Variants in RPH3A observed in about 807,000 individuals in gnomAD.
RPH3A encodes rabphilin 3A.
In RPH3A, 48 loss-of-function variants were observed where a neutral mutation model predicts 102.2. The ratio of observed to expected loss-of-function variants is 0.47; its 90% CI spans 0.37 to 0.60. The LOEUF is 0.60. Among genes scored for constraint, RPH3A ranks in the 20% least tolerant of loss-of-function variants. RPH3A has a pLI of 0.00. For synonymous variants in RPH3A, 310 were observed against 324.3 expected (o/e 0.96, Z 0.47); for missense variants, 781 against 910.1 (o/e 0.86, Z 1.83).
chr12:112,878,256 G>T (rs2042842568), intron 13 of RPH3A, among the ~76,000 whole-genome samples: 1 of 152,098 alleles, frequency 6.6e-6, no homozygotes, highest in South Asian at 2.1e-4. Context: ...TGGAACACTG[G>T]CTACTGCTCC....
At chr12:112,834,190 T>C (rs2042014723) in intron 3 of RPH3A, among the ~76,000 whole-genome samples, 1 of 152,232 alleles carries the variant, frequency 6.6e-6, no homozygotes, top group Non-Finnish European at 1.5e-5. Flanking sequence ...TTTGTTTGCA[T>C]TTTCTGGAAT....
At chr12:112,607,595 G>GT (rs2039606269) in intron 1 of RPH3A, among the ~76,000 whole-genome samples, 1 of 152,194 alleles carries the variant, frequency 6.6e-6, no homozygotes, top group Admixed American at 6.5e-5. Flanking sequence ...TTGTAGAAGT[G>GT]CTTTTTAATC....
chr12:112,712,940 T>TTCTTCTTCC (rs1565856895), intron 1 of RPH3A, among the ~76,000 whole-genome samples: 1 of 115,328 alleles, frequency 8.7e-6, no homozygotes, highest in Admixed American at 1.1e-4. Context: ...CTTCTTCTTC[T>TTCTTCTTCC]TCTTCTTCTT....
In RPH3A at chr12:112,898,869, G is replaced by T. The variant is rs1308385414; in HGVS notation, c.*2089G>T. 1 of 152,312 alleles carries T rather than the reference G, an allele frequency of 6.6e-6. No individual in the cohort carries two copies. The highest frequency in any genetic ancestry group is 2.4e-5 in the African/African-American group (1 of 41,462). The allele number at this position is 152,312 out of a possible 1,614,324, so 9.4% of individuals were successfully genotyped here. ...TGATGTAGCCAAAAATAAAGTAGGA[G>T]CATCCAAGAAAACGAGTGGTCTGCA... On this transcript the variant is annotated 3_prime_UTR_variant, in exon 22 of 22. Coordinates refer to ENST00000389385, the MANE Select transcript of RPH3A (RefSeq NM_001143854.2).
chr12:112,897,184 T>C lies in RPH3A; in HGVS notation c.*404T>C. ...CACACACACACACACACCCTTTCAT[T>C]CCCTGTGTTGTGTCTCTGTATATCC... is the stretch of plus-strand genomic sequence containing the variant. On this transcript the variant is annotated 3_prime_UTR_variant, in exon 22 of 22. Coordinates refer to ENST00000389385, the MANE Select transcript of RPH3A (RefSeq NM_001143854.2). 5.9e-6 allele frequency: 1 copy of C among 170,018 alleles called. No homozygotes were observed. Among genetic ancestry groups the C allele is most frequent in the Non-Finnish European group, 1.3e-5 (1 of 79,596 alleles). The allele number at this position is 170,018 out of a possible 1,614,324, so 10.5% of individuals were successfully genotyped here.
At chr12:112,702,337 C>T (rs1426441779) in intron 1 of RPH3A, among the ~76,000 whole-genome samples, 2 of 152,186 alleles carry the variant, frequency 1.3e-5, no homozygotes, top group Non-Finnish European at 2.9e-5. Flanking sequence ...GCAACAAATT[C>T]TCTTTGAGTT....
At chr12:112,847,987 C>A in intron 5 of RPH3A, 145 bp downstream of exon 5, 3 of 775,846 alleles carry the variant, frequency 3.9e-6, no homozygotes, top group Admixed American at 2.8e-5. Flanking sequence ...CCTCCCCGCC[C>A]CACCCCCTTC....
At chr12:112,813,627 G>A (rs903637118) in intron 2 of RPH3A, among the ~76,000 whole-genome samples, 2 of 152,168 alleles carry the variant, frequency 1.3e-5, no homozygotes, top group African/African-American at 2.4e-5. Flanking sequence ...GAGAGGTGCG[G>A]TTCTGGAAGA....
chr12:112,592,670 C>T (rs929334655), intron 1 of RPH3A, among the ~76,000 whole-genome samples: 2 of 152,028 alleles, frequency 1.3e-5, no homozygotes, highest in Non-Finnish European at 2.9e-5. Flanking sequence ...TGGTTGAATC[C>T]GTGGATGCAG....
intron 21 of RPH3A, among the ~76,000 whole-genome samples, chr12:112,896,176 G>C (rs746675937): frequency 1.3e-5 from 2 of 152,200 alleles, no homozygotes; most frequent in Non-Finnish European, 2.9e-5. Context: ...TTATTTGCAT[G>C]TCCAGGATAA....
intron 16 of RPH3A, among the ~76,000 whole-genome samples, chr12:112,884,789 T>C (rs899325236): frequency 9.8e-5 from 15 of 152,346 alleles, no homozygotes; most frequent in African/African-American, 3.6e-4. Flanking sequence ...ATGCACAGAT[T>C]GATGAATTTT....
chr12:112,785,270 A>G (rs2041040794), intron 1 of RPH3A, among the ~76,000 whole-genome samples: 1 of 151,718 alleles, frequency 6.6e-6, no homozygotes, highest in Non-Finnish European at 1.5e-5. Context: ...TGGTTGGCAG[A>G]GCATAGTTAG....
chr12:112,794,847 C>A (rs948934918), intron 2 of RPH3A, among the ~76,000 whole-genome samples: 1 of 152,232 alleles, frequency 6.6e-6, no homozygotes, highest in Middle Eastern at 3.2e-3. Flanking sequence ...GCAGCCCCTA[C>A]TCCCCCAGTC....
chr12:112,693,768 G>T (rs766401571), intron 1 of RPH3A, among the ~76,000 whole-genome samples: 2 of 151,998 alleles, frequency 1.3e-5, no homozygotes, highest in South Asian at 2.1e-4. Context: ...CATTATCTAG[G>T]TTTATATTTT....
intron 2 of RPH3A, among the ~76,000 whole-genome samples, chr12:112,821,044 G>T (rs931195240): frequency 1.2e-4 from 19 of 152,188 alleles, no homozygotes; most frequent in African/African-American, 3.9e-4. Flanking sequence ...GTCCCAGCTG[G>T]CTCTAGGAAC....
At chr12:112,621,947 C>G (rs887094785) in intron 1 of RPH3A, among the ~76,000 whole-genome samples, 9 of 150,686 alleles carry the variant, frequency 6.0e-5, no homozygotes, top group East Asian at 4.0e-4. Context: ...AGCAGGGGCA[C>G]ACTGACACCT....
intron 3 of RPH3A, among the ~76,000 whole-genome samples, chr12:112,835,450 T>C (rs979093045): frequency 8.5e-5 from 13 of 152,346 alleles, no homozygotes; most frequent in African/African-American, 2.9e-4. Flanking sequence ...TGCCTTACAA[T>C]TAAATTAAAA....
Position 112,759,997 on chromosome 12 carries a change from G to A in RPH3A, c.-139-32146G>A, listed in dbSNP as rs1397010123. ...GCTGGACCAGCCGGCCCGACCAGCCGGCCTGTCTGGGCAGTGCGGATATTC... is the reference window on the plus strand; with the variant it reads ...GCTGGACCAGCCGGCCCGACCAGCCAGCCTGTCTGGGCAGTGCGGATATTC... On this transcript the variant is annotated intron_variant, in intron 1 of 21. Coordinates refer to the RPH3A transcript ENST00000543106. 4.6e-5 allele frequency among the ~76,000 whole-genome samples: 7 copies of A among 151,980 alleles called. No individual in the cohort carries two copies. The East Asian group carries it at 7.7e-4, about 17-fold the overall frequency.
intron 1 of RPH3A, among the ~76,000 whole-genome samples, chr12:112,657,798 A>G (rs2040023146): frequency 6.6e-6 from 1 of 152,202 alleles, no homozygotes; most frequent in Non-Finnish European, 1.5e-5. Context: ...GGAAGTGGGT[A>G]GGGAGTGCTG....
Sources: allele counts gnomAD v4.1 joint callset (sites outside exome capture counted in the v4.1 genomes callset), GRCh38; gene constraint gnomAD v4.1.1; transcripts MANE v1.5; gene names NCBI Gene and HGNC (gene_info 2026-07-23, HGNC 2026-07-21).